Variants in BCAR1 observed in about 807,000 individuals in gnomAD.
BCAR1 encodes breast cancer anti-estrogen resistance protein 1.
Under a neutral mutation model 67.6 loss-of-function variants are expected in BCAR1, and 30 were observed. The observed-to-expected ratio is 0.44, with a 90% CI of 0.33 to 0.60. The LOEUF (loss-of-function observed/expected upper bound fraction) is 0.60, where lower values mean the gene tolerates loss of function less well. Among genes scored for constraint, BCAR1 ranks in the 20% least tolerant of loss-of-function variants. The pLI is 0.02. For synonymous variants in BCAR1, 626 were observed against 556.7 expected (o/e 1.12, Z -1.75); for missense variants, 1,313 against 1,222.3 (o/e 1.07, Z -1.11).
At chr16:75,265,831 G>T (rs1043383492) in intron 1 of BCAR1, 36 of 1,189,134 alleles carry the variant, frequency 3.0e-5, no homozygotes, top group Non-Finnish European at 3.5e-5. Context: ...TCACAGGCAC[G>T]GACATCTTGG....
intron 2 of BCAR1, chr16:75,238,963 A>T: frequency 1.0e-6 from 1 of 985,288 alleles, no homozygotes; most frequent in South Asian, 4.7e-5. Context: ...CATCCTCCAA[A>T]AGCACCCTGC....
chr16:75,251,675 C>A (rs1382192974), upstream of BCAR1: 1 of 995,700 alleles, frequency 1.0e-6, no homozygotes, highest in Non-Finnish European at 1.2e-6. Flanking sequence ...CCGATCCCAG[C>A]ATGCCCGGCC....
At chr16:75,232,920 A>T (rs2076950586) in intron 6 of BCAR1, among the ~76,000 whole-genome samples, 1 of 151,990 alleles carries the variant, frequency 6.6e-6, no homozygotes, top group Admixed American at 6.5e-5. Context: ...TTTTATGTTC[A>T]CTTCGTGCTA....
rs149882441 is a variant in BCAR1 at position 75,248,579 on chromosome 16, C to T, written c.12+2892G>A. On this transcript the variant is annotated intron_variant, in intron 1 of 6. Transcript: ENST00000162330. ...TCCTGGGTGGAACTCCAGGACCTGC[C>T]AGCCTTAGTGGCAACTTCCCCTAAT... The T allele has an allele frequency of 6.0e-3, 1,107 of 183,844 alleles. 11 individuals carry two copies. Among genetic ancestry groups the T allele is most frequent in the African/African-American group, 0.025 (1,047 of 42,554 alleles). 11.4% of individuals were successfully genotyped at this position (183,844 alleles called of 1,614,324 possible).
rs145822132 is a variant in BCAR1, at chr16:75,235,485, C to T, written c.1414G>A (p.Ala472Thr). ...AGGTCCAGAAGGTGGGCAACGGTGG[C>T]GCTCACACCCTGCTGCAGCCGTGCC... is the stretch of plus-strand genomic sequence containing the variant. The part of the protein sequence containing the change: ...ALARLQQGVS[A>T]TVAHLLDLAG... Residue 472 changes from alanine (A) to threonine (T), a missense_variant, in exon 5 of 7, where the codon GCC (alanine) becomes ACC (threonine). Ala to Thr is a moderately conservative substitution (Grantham distance 58). Around this residue, in one of 2 missense-constraint regions of BCAR1, gnomAD observed 1,272 missense variants for 1,137.5 expected, o/e 1.12. Transcript: ENST00000162330. 5.4e-5 allele frequency: 86 copies of T among 1,602,350 alleles called. No individual in the cohort carries two copies. The highest frequency in any genetic ancestry group is 6.2e-5 in the Non-Finnish European group (73 of 1,175,866).
At chr16:75,230,875 G>A (rs979107624) in intron 6 of BCAR1, among the ~76,000 whole-genome samples, 1 of 152,112 alleles carries the variant, frequency 6.6e-6, no homozygotes, top group Non-Finnish European at 1.5e-5. Flanking sequence ...TACATACTCC[G>A]CTTTTTTTCT....
rs763140026 is a variant in BCAR1, at chr16:75,242,785, G to A, written c.318C>T (p.Thr106=). The change falls in exon 2 of 7, where the codon ACC becomes ACT. Residue 106 remains threonine, a synonymous_variant. Coordinates refer to ENST00000162330, the MANE Select transcript of BCAR1 (RefSeq NM_014567.5). The part of the protein sequence containing the change: ...ASQYTPMLPN[T]YQPQPDSVYL... ...AGACGCTGTCTGGCTGGGGCTGGTA[G>A]GTGTTGGGGAGCATGGGCGTGTACT... 3 of 1,598,776 alleles carry A rather than the reference G, an allele frequency of 1.9e-6. No individual in the cohort carries two copies. The highest frequency in any genetic ancestry group is 2.6e-6 in the Non-Finnish European group (3 of 1,172,412).
At chr16:75,260,177 G>C (rs1003669497) in intron 1 of BCAR1, among the ~76,000 whole-genome samples, 2 of 152,144 alleles carry the variant, frequency 1.3e-5, no homozygotes, top group African/African-American at 2.4e-5. Flanking sequence ...CTGGGTGACA[G>C]AGCGAGATTC....
chr16:75,251,386 G>A, intron 1 of BCAR1, 85 bp downstream of exon 1: 4 of 1,454,216 alleles, frequency 2.8e-6, no homozygotes, highest in Admixed American at 2.4e-5. Context: ...CGCAGGTCCG[G>A]CAGGAAATGC....
In BCAR1 at chr16:75,234,950, T is replaced by C; in HGVS notation, c.1949A>G (p.Asp650Gly). The change falls in exon 5 of 7, where the codon GAT (aspartate) becomes GGT (glycine). Residue 650 changes from aspartate (D) to glycine (G), a missense_variant. By Grantham distance (94) the Asp-to-Gly change is moderately conservative. Transcript: ENST00000162330. ...CCCCTCGCTGTTCTCGTACTGCCCATCTGGCGAGTCCTGGGAGGTGAACTT... is the reference window on the plus strand; with the variant it reads ...CCCCTCGCTGTTCTCGTACTGCCCACCTGGCGAGTCCTGGGAGGTGAACTT... ...PPKFTSQDSP[D>G]GQYENSEGGW... 3.2e-6 allele frequency: 5 copies of C among 1,584,770 alleles called. No homozygotes were observed. Among genetic ancestry groups the C allele is most frequent in the South Asian group, 2.3e-5 (2 of 87,582 alleles).
chr16:75,265,916 C>G, intron 1 of BCAR1: 1 of 1,110,368 alleles, frequency 9.0e-7, no homozygotes, highest in Non-Finnish European at 1.1e-6. Context: ...CGCTCAGAGG[C>G]CCCGCGAGGG....
intron 1 of BCAR1, among the ~76,000 whole-genome samples, chr16:75,258,338 A>T (rs1360146184): frequency 1.3e-5 from 2 of 152,186 alleles, no homozygotes; most frequent in Non-Finnish European, 2.9e-5. Flanking sequence ...ACCCGCCAAC[A>T]CTGGAGGCAG....
At chr16:75,245,471 G>C (rs1000921044) in intron 1 of BCAR1, among the ~76,000 whole-genome samples, 3 of 152,210 alleles carry the variant, frequency 2.0e-5, no homozygotes, top group Non-Finnish European at 4.4e-5. Flanking sequence ...CACTCAGAGA[G>C]GCTGAGGGAG....
intron 4 of BCAR1, 178 bp from the exon 5 acceptor site, chr16:75,236,164 A>G (rs918905734): frequency 1.3e-5 from 9 of 700,968 alleles, no homozygotes; most frequent in African/African-American, 1.1e-4. Flanking sequence ...AGGCACACAC[A>G]CGCGCACACA....
At chr16:75,240,392 A>T (rs2077299227) in intron 2 of BCAR1, among the ~76,000 whole-genome samples, 1 of 152,200 alleles carries the variant, frequency 6.6e-6, no homozygotes, top group Non-Finnish European at 1.5e-5. Context: ...AGGCATGAGC[A>T]ATCGGAAACT....
intron 1 of BCAR1, chr16:75,265,804 C>T: frequency 8.4e-7 from 1 of 1,196,672 alleles, no homozygotes; most frequent in Non-Finnish European, 1.0e-6. Context: ...GGCCCGGGGT[C>T]CCGGGCGGCG....
chr16:75,235,123 C>G lies in BCAR1; in HGVS notation c.1776G>C (p.Gln592His). 1 of 1,610,638 alleles carries G rather than the reference C, an allele frequency of 6.2e-7. No individual in the cohort carries two copies. Among genetic ancestry groups the G allele is most frequent in the South Asian group, 1.1e-5 (1 of 91,090 alleles). The change falls in exon 5 of 7, where the codon CAG becomes CAC. Residue 592 changes from glutamine to histidine, a missense_variant. Gln to His is a conservative substitution (Grantham distance 24, BLOSUM62 0). Around this residue, in one of 2 missense-constraint regions of BCAR1, gnomAD observed 1,272 missense variants for 1,137.5 expected, o/e 1.12. Coordinates refer to ENST00000162330, the MANE Select transcript of BCAR1 (RefSeq NM_014567.5). The part of the protein sequence containing the change: ...CSRAVPEDAK[Q>H]LASFLHGNAS... ...CATTGCCGTGCAGGAAGGAGGCCAG[C>G]TGCTTGGCGTCCTCGGGCACAGCCC...
intron 2 of BCAR1, among the ~76,000 whole-genome samples, chr16:75,241,830 G>C (rs2077352159): frequency 6.6e-6 from 1 of 152,172 alleles, no homozygotes; most frequent in South Asian, 2.1e-4. Context: ...GGGGCCCTGT[G>C]GACTTGGGAA....
chr16:75,244,503 G>A (rs1364588286), intron 1 of BCAR1, among the ~76,000 whole-genome samples: 3 of 152,262 alleles, frequency 2.0e-5, no homozygotes, highest in South Asian at 2.1e-4. Context: ...CTCCCTGGCC[G>A]GCATCAGAGG....
Sources: allele counts gnomAD v4.1 joint callset (sites outside exome capture counted in the v4.1 genomes callset), GRCh38; gene constraint gnomAD v4.1.1; regional missense constraint gnomAD v4.1.1; transcripts MANE v1.5; gene names NCBI Gene and HGNC (gene_info 2026-07-23, HGNC 2026-07-21).